Variants in ROCK2 observed in about 807,000 individuals in gnomAD.
The protein encoded by ROCK2 is Rho associated coiled-coil containing protein kinase 2.
In ROCK2, 61 loss-of-function variants were observed where a neutral mutation model predicts 195.1. The ratio of observed to expected loss-of-function variants is 0.31; its 90% confidence interval spans 0.25 to 0.39. ROCK2 has a LOEUF of 0.39. Ranked by LOEUF, ROCK2 falls within the 10% of genes least tolerant of loss-of-function variation. The pLI is 1.00. For missense variants in ROCK2, 1,109 were observed against 1,637.4 expected (o/e 0.68, Z 5.57); for synonymous variants, 504 against 545.5 (o/e 0.92, Z 1.06).
intron 3 of ROCK2, among the ~76,000 whole-genome samples, chr2:11,268,332 T>C (rs899340552): frequency 2.8e-4 from 43 of 152,092 alleles, no homozygotes; most frequent in African/African-American, 1.0e-3. Flanking sequence ...ATCCAAGAGC[T>C]CAACCAGAGT....
chr2:11,315,024 T>C (rs1437217142), intron 1 of ROCK2, among the ~76,000 whole-genome samples: 1 of 151,964 alleles, frequency 6.6e-6, no homozygotes, highest in Non-Finnish European at 1.5e-5. Context: ...TCAGACACAA[T>C]GATATAAACT....
intron 1 of ROCK2, among the ~76,000 whole-genome samples, chr2:11,304,945 A>G (rs548775147): frequency 5.9e-5 from 9 of 152,358 alleles, no homozygotes; most frequent in African/African-American, 1.9e-4. Flanking sequence ...GTTACTATGT[A>G]ATAACCGAAC....
intron 1 of ROCK2, among the ~76,000 whole-genome samples, chr2:11,318,612 C>G (rs186236617): frequency 6.6e-6 from 1 of 152,258 alleles, no homozygotes; most frequent in East Asian, 1.9e-4. Flanking sequence ...TTAATTAGAT[C>G]CCATGTGTCA....
intron 3 of ROCK2, among the ~76,000 whole-genome samples, chr2:11,264,735 T>C (rs1420137858): frequency 1.3e-5 from 2 of 152,066 alleles, no homozygotes; most frequent in African/African-American, 4.8e-5. Context: ...GCCTGGCCAT[T>C]GGAAACTACA....
At chr2:11,259,138 T>C (rs1042696782) in intron 3 of ROCK2, among the ~76,000 whole-genome samples, 2 of 151,302 alleles carry the variant, frequency 1.3e-5, no homozygotes, top group Non-Finnish European at 2.9e-5. Flanking sequence ...CTGTTGTTGG[T>C]TGGTCTGAGG....
chr2:11,286,508 A>C, intron 3 of ROCK2, 31 bp downstream of exon 3: 12 of 1,341,800 alleles, frequency 8.9e-6, no homozygotes, highest in Non-Finnish European at 1.3e-5. Context: ...ATGATGTCAT[A>C]GAGAACAATA....
intron 1 of ROCK2, among the ~76,000 whole-genome samples, chr2:11,318,801 C>T (rs917953148): frequency 3.3e-5 from 5 of 152,146 alleles, no homozygotes; most frequent in African/African-American, 1.2e-4. Flanking sequence ...GGAAGGGATC[C>T]AGTTTCAGCT....
intron 18 of ROCK2, among the ~76,000 whole-genome samples, chr2:11,211,164 C>A (rs879754713): frequency 2.6e-5 from 4 of 152,088 alleles, no homozygotes; most frequent in African/African-American, 9.7e-5. Flanking sequence ...ATGGCTTCGA[C>A]CAAATCTGGC....
At chr2:11,239,603 T>C (rs990666822) in intron 4 of ROCK2, among the ~76,000 whole-genome samples, 1 of 152,226 alleles carries the variant, frequency 6.6e-6, no homozygotes, top group Non-Finnish European at 1.5e-5. Flanking sequence ...TTATTCATAA[T>C]GGCCAAAAAG....
rs751806275 is a variant in ROCK2, at chr2:11,192,251, C to A, written c.4060G>T (p.Ala1354Ser). Residue 1354 changes from alanine to serine, a missense_variant, in exon 32 of 33, where the codon GCT becomes TCT. Ala to Ser is a moderately conservative substitution (Grantham distance 99, BLOSUM62 1). Around this residue, in one of 6 missense-constraint regions of ROCK2, gnomAD observed 221 missense variants for 355.1 expected, o/e 0.62. Coordinates refer to ENST00000315872, the MANE Select transcript of ROCK2 (RefSeq NM_004850.5). The surrounding 1 kb of genome is among the most constrained non-coding windows in gnomAD (Gnocchi z 5.0). ...LVKKIPKKPP[A>S]PDPFARSSPR... ...GATGATCGGGCAAAAGGGTCTGGAG[C>A]TGGGGGCTTTTTAGGTATCTTTTTC... 6.2e-7 allele frequency: 1 copy of A among 1,613,652 alleles called. No individual in the cohort carries two copies. Among genetic ancestry groups the A allele is most frequent in the Non-Finnish European group, 8.5e-7 (1 of 1,179,926 alleles).
At chr2:11,307,941 T>A in intron 1 of ROCK2, 1 of 1,432,270 alleles carries the variant, frequency 7.0e-7, no homozygotes, top group Non-Finnish European at 9.2e-7. Context: ...CCTGTTAATG[T>A]CAGGGCCAGG....
Position 11,214,068 on chromosome 2 carries a change from TTA to T in ROCK2, c.2043+287_2043+288del, listed in dbSNP as rs539517283. On this transcript the variant is annotated intron_variant, in intron 17 of 32. Coordinates refer to ENST00000315872, the MANE Select transcript of ROCK2 (RefSeq NM_004850.5). ...TTATATATGGCATTTTTAAGACATG[TTA>T]TGAGTCGAAATTTGAGTTTTCCTTG... is the stretch of plus-strand genomic sequence containing the variant. Among the ~76,000 whole-genome samples, 3 of 152,342 alleles carry T rather than the reference TTA, an allele frequency of 2.0e-5. No homozygotes were observed. In the South Asian group the frequency reaches 6.2e-4, roughly 32 times the overall value.
intron 1 of ROCK2, among the ~76,000 whole-genome samples, chr2:11,298,839 C>G (rs1667617965): frequency 6.6e-6 from 1 of 152,120 alleles, no homozygotes. Flanking sequence ...GCTGGAGAAT[C>G]TGAGATGGAA....
intron 1 of ROCK2, among the ~76,000 whole-genome samples, chr2:11,305,901 G>C (rs72789516): frequency 0.044 from 6,675 of 152,238 alleles, 271 homozygotes; most frequent in Non-Finnish European, 0.06. Context: ...AAGTAAAGAA[G>C]TGTACAAGGA....
intron 4 of ROCK2, among the ~76,000 whole-genome samples, chr2:11,245,335 T>C (rs1013371104): frequency 1.3e-5 from 2 of 151,638 alleles, no homozygotes; most frequent in African/African-American, 4.8e-5. Flanking sequence ...ATATGAAAGA[T>C]GCTGAATCTC....
At chr2:11,206,868 A>G (rs1664069792) in intron 20 of ROCK2, among the ~76,000 whole-genome samples, 1 of 152,220 alleles carries the variant, frequency 6.6e-6, no homozygotes, top group African/African-American at 2.4e-5. Context: ...GCTTAGAGAA[A>G]TTAAATCATT....
rs140040605 is a variant in ROCK2 at position 11,337,790 on chromosome 2, C to T, written c.141+6206G>A. Among the ~76,000 whole-genome samples, 1,059 of 151,924 alleles carry T rather than the reference C, an allele frequency of 7.0e-3. 14 individuals carry two copies. The highest frequency in any genetic ancestry group is 0.024 in the African/African-American group (1,007 of 41,440). Reference sequence around the variant, plus strand: ...CTGGGATTACAGGTGCGTGCCACCACGCCTGGCTAATTTTTTTTTTCTTTT... The same window carrying T: ...CTGGGATTACAGGTGCGTGCCACCATGCCTGGCTAATTTTTTTTTTCTTTT... On this transcript the variant is annotated intron_variant, in intron 1 of 32. Coordinates refer to ENST00000315872, the MANE Select transcript of ROCK2 (RefSeq NM_004850.5).
intron 3 of ROCK2, among the ~76,000 whole-genome samples, chr2:11,262,158 T>C (rs1388254688): frequency 2.6e-5 from 4 of 152,170 alleles, no homozygotes; most frequent in African/African-American, 4.8e-5. Flanking sequence ...GTGTTTCTCT[T>C]TGTATAGAAA....
chr2:11,253,775 TAA>T (rs1336793616), intron 3 of ROCK2, among the ~76,000 whole-genome samples: 2 of 152,260 alleles, frequency 1.3e-5, no homozygotes, highest in East Asian at 3.8e-4. Flanking sequence ...TTTCCAGTTT[TAA>T]AAAAGATTCA....
Sources: allele counts gnomAD v4.1 joint callset (sites outside exome capture counted in the v4.1 genomes callset), GRCh38; gene constraint gnomAD v4.1.1; regional missense constraint gnomAD v4.1.1; non-coding constraint Gnocchi (gnomAD v3.1); transcripts MANE v1.5; gene names NCBI Gene and HGNC (gene_info 2026-07-23, HGNC 2026-07-21).